Variants in SCN4B observed in about 807,000 individuals in gnomAD.
The protein encoded by SCN4B is sodium voltage-gated channel beta subunit 4, also known as sodium channel regulatory subunit beta-4.
In SCN4B, 20 loss-of-function variants were observed where a neutral mutation model predicts 19.6. The ratio of observed to expected loss-of-function variants is 1.02; its 90% confidence interval spans 0.72 to 1.48. The LOEUF (loss-of-function observed/expected upper bound fraction) is 1.48, where lower values mean the gene tolerates loss of function less well. Ranked by LOEUF, SCN4B falls within the 40% of genes most tolerant of loss-of-function variation. SCN4B has a pLI of 0.00. For missense variants in SCN4B, 271 were observed against 287.5 expected (o/e 0.94, Z 0.42); for synonymous variants, 127 against 122.8 (o/e 1.03, Z -0.22).
chr11:118,145,613 C>G, intron 1 of SCN4B: 1 of 488,538 alleles, frequency 2.0e-6, no homozygotes, highest in Non-Finnish European at 3.3e-6. Context: ...GCAGGGCGGG[C>G]TCCCTTCTGT....
intron 1 of SCN4B, among the ~76,000 whole-genome samples, chr11:118,146,864 C>A (rs1034832630): frequency 6.6e-6 from 1 of 152,134 alleles, no homozygotes; most frequent in Non-Finnish European, 1.5e-5. Flanking sequence ...ATGTAACTTG[C>A]CTAAGAGACC....
chr11:118,147,325 T>C (rs560751771), intron 1 of SCN4B, among the ~76,000 whole-genome samples: 1 of 152,284 alleles, frequency 6.6e-6, no homozygotes, highest in East Asian at 1.9e-4. Flanking sequence ...GGAGAGGTAT[T>C]TTATATACAC....
chr11:118,148,153 A>G lies in SCN4B; in HGVS notation c.62-2924T>C, dbSNP rs1377083106. 6.6e-6 allele frequency among the ~76,000 whole-genome samples: 1 copy of G among 152,192 alleles called. No homozygotes were observed. The highest frequency in any genetic ancestry group is 1.5e-5 in the Non-Finnish European group (1 of 68,044). On this transcript the variant is annotated intron_variant, in intron 1 of 4. Transcript: ENST00000324727. The surrounding 1 kb of genome is among the most constrained non-coding windows in gnomAD (Gnocchi z 4.0). ...CCATTTCCTCAGTAGCTGGGAGGGG[A>G]AAATGAAAACCGGCAGAAATGGTTT... is the stretch of plus-strand genomic sequence containing the variant.
At position 118,136,092 on chromosome 11, in the gene SCN4B, A is replaced by AGGGGGAGAAGC. The variant is rs1370870059; in HGVS notation, c.*924_*934dup. ...TGGAGGGTGCAGCCTCTCAGGTAGG[A>AGGGGGAGAAGC]GGGGGAGAAGCAGGGGAGAGCTGGG... is the stretch of plus-strand genomic sequence containing the variant. On this transcript the variant is annotated 3_prime_UTR_variant, in exon 5 of 5. Transcript: ENST00000324727. The AGGGGGAGAAGC allele has an allele frequency of 0.32, 134,968 of 423,906 alleles. 22,045 individuals are homozygous for AGGGGGAGAAGC. Among genetic ancestry groups the AGGGGGAGAAGC allele is most frequent in the Non-Finnish European group, 0.34 (73,953 of 215,038 alleles). The allele number at this position is 423,906 out of a possible 1,614,324, so 26.3% of individuals were successfully genotyped here.
chr11:118,143,000 T>A (rs1469783647), intron 3 of SCN4B: 1 of 152,256 alleles, frequency 6.6e-6, no homozygotes. Flanking sequence ...GGACTCAGTG[T>A]CATCCAGGAG....
intron 3 of SCN4B, 165 bp from the exon 4 acceptor site, chr11:118,141,501 T>C: frequency 1.3e-6 from 1 of 760,756 alleles, no homozygotes; most frequent in Non-Finnish European, 2.2e-6. Flanking sequence ...AGCAGGAAGC[T>C]GGAGAGGCAG....
rs1948157259 is a variant in SCN4B, at chr11:118,145,247, C to T, written c.62-18G>A. On this transcript the variant is annotated intron_variant, in intron 1 of 4. Coordinates refer to ENST00000324727, the MANE Select transcript of SCN4B (RefSeq NM_174934.4). ...GAAGAGGCCTGTGTAAGGAGCACCG[C>T]CTCCCTTAATAAAACCCCACCAGCC... 1 of 1,613,828 alleles carries T rather than the reference C, an allele frequency of 6.2e-7. No homozygotes were observed. The highest frequency in any genetic ancestry group is 1.3e-5 in the African/African-American group (1 of 75,022).
intron 1 of SCN4B, among the ~76,000 whole-genome samples, chr11:118,146,707 C>A (rs1337814494): frequency 6.6e-6 from 1 of 152,194 alleles, no homozygotes; most frequent in Non-Finnish European, 1.5e-5. Flanking sequence ...CATCGTGATT[C>A]GGCCATTGTC....
chr11:118,147,569 C>T lies in SCN4B; in HGVS notation c.62-2340G>A, dbSNP rs139309759. The stretch of plus-strand genomic sequence containing the variant: ...ATAGAACTCCTGCCTTTCTGTTTAC[C>T]TCTGCCCTCCTCCGCCCCATCTCCC... On this transcript the variant is annotated intron_variant, in intron 1 of 4. Transcript: ENST00000324727. 2.0e-3 allele frequency among the ~76,000 whole-genome samples: 299 copies of T among 152,288 alleles called. 3 individuals carry two copies. Among genetic ancestry groups the T allele is most frequent in the Middle Eastern group, 3.4e-3 (1 of 294 alleles).
intron 1 of SCN4B, among the ~76,000 whole-genome samples, chr11:118,150,744 G>T (rs1948226161): frequency 6.6e-6 from 1 of 152,170 alleles, no homozygotes; most frequent in East Asian, 1.9e-4. Context: ...TGGCTGTCCA[G>T]TCGTCTCTGT....
chr11:118,141,424 T>C, intron 3 of SCN4B, 88 bp from the exon 4 acceptor site: 5 of 1,533,822 alleles, frequency 3.3e-6, no homozygotes, highest in East Asian at 2.3e-5. Context: ...GCAAGGGCCA[T>C]GTAGCCTCCA....
rs1352565571 is a variant in SCN4B, at chr11:118,135,182, G to A, written c.*1845C>T. ...AAATCTGAGCCCCAGCCCATGACAG[G>A]TTCTGGGTAGAGAAGAATGGGAGGC... is the stretch of plus-strand genomic sequence containing the variant. On this transcript the variant is annotated 3_prime_UTR_variant, in exon 5 of 5. Transcript: ENST00000324727. 6.6e-6 allele frequency: 3 copies of A among 453,994 alleles called. No individual in the cohort carries two copies. Among genetic ancestry groups the A allele is most frequent in the South Asian group, 3.1e-5 (2 of 64,484 alleles). 28.1% of individuals were successfully genotyped at this position (453,994 alleles called of 1,614,324 possible). A position where few individuals can be genotyped will look rare whatever the true frequency, so the allele number is the denominator to read the frequency against.
rs547158954 is a variant in SCN4B at position 118,152,766 on chromosome 11, G to A, written c.-93C>T. On this transcript the variant is annotated 5_prime_UTR_variant, in exon 1 of 5. Coordinates refer to ENST00000324727, the MANE Select transcript of SCN4B (RefSeq NM_174934.4). The stretch of plus-strand genomic sequence containing the variant: ...CCCGAGGTCGGCGTTCGGCCACAAA[G>A]CTACCCCGGAGCTCTGCGCCGCCGG... 3.0e-6 allele frequency: 3 copies of A among 1,003,588 alleles called. No homozygotes were observed. The African/African-American group carries it at 4.9e-5, about 16-fold the overall frequency. The allele number at this position is 1,003,588 out of a possible 1,614,324, so 62.2% of individuals were successfully genotyped here.
chr11:118,151,090 A>T (rs919799907), intron 1 of SCN4B, among the ~76,000 whole-genome samples: 1 of 151,660 alleles, frequency 6.6e-6, no homozygotes, highest in African/African-American at 2.4e-5. Context: ...GCAATGTACC[A>T]AGACTGTGCC....
intron 4 of SCN4B, 149 bp downstream of exon 4, chr11:118,141,058 T>G (rs1390898083): frequency 1.3e-5 from 11 of 818,832 alleles, no homozygotes; most frequent in Admixed American, 3.7e-5. Context: ...GGCTGAGAGA[T>G]GGGGAGGGGG....
At chr11:118,145,331 C>A in intron 1 of SCN4B, 102 bp from the exon 2 acceptor site, 1 of 1,567,750 alleles carries the variant, frequency 6.4e-7, no homozygotes, top group Non-Finnish European at 8.6e-7. Flanking sequence ...GCAGGTAGGT[C>A]TCTATCACCC....
At position 118,152,769 on chromosome 11, in the gene SCN4B, A is replaced by G. The variant is rs1016787706; in HGVS notation, c.-96T>C. The stretch of plus-strand genomic sequence containing the variant: ...GAGGTCGGCGTTCGGCCACAAAGCT[A>G]CCCCGGAGCTCTGCGCCGCCGGTCG... On this transcript the variant is annotated 5_prime_UTR_variant, in exon 1 of 5. Transcript: ENST00000324727. 1 of 910,368 alleles carries G rather than the reference A, an allele frequency of 1.1e-6. No homozygotes were observed. The highest frequency in any genetic ancestry group is 1.7e-5 in the African/African-American group (1 of 58,972). The allele number at this position is 910,368 out of a possible 1,614,324, so 56.4% of individuals were successfully genotyped here.
rs776070924 is a variant in SCN4B at position 118,143,825 on chromosome 11, C to T, written c.463+8G>A. On this transcript the variant is annotated splice_region_variant and intron_variant, in intron 3 of 4. Coordinates refer to ENST00000324727, the MANE Select transcript of SCN4B (RefSeq NM_174934.4). ...CGCCACTGCCCTGTGCCAGCCCCTA[C>T]TGCATACGTCTATCAACGACTTGGA... The T allele has an allele frequency of 2.5e-6, 4 of 1,607,070 alleles. No homozygotes were observed. Among genetic ancestry groups the T allele is most frequent in the Non-Finnish European group, 3.4e-6 (4 of 1,175,228 alleles).
intron 1 of SCN4B, among the ~76,000 whole-genome samples, chr11:118,146,162 G>GCCC (rs978043412): frequency 2.6e-5 from 4 of 151,970 alleles, no homozygotes; most frequent in Non-Finnish European, 5.9e-5. Context: ...GTCCCCGAGC[G>GCCC]CCCCCAGGCT....
Sources: gnomAD v4.1 joint callset for allele counts (sites outside exome capture counted in the v4.1 genomes callset) on GRCh38, gnomAD v4.1.1 for gene constraint, Gnocchi (gnomAD v3.1) non-coding constraint, MANE v1.5 for transcripts, NCBI Gene and HGNC (gene_info 2026-07-23, HGNC 2026-07-21) for gene names.